The following SRGAP1 variants were observed in gnomAD, a reference collection of about 807,000 sequenced individuals.
SRGAP1 encodes SLIT-ROBO Rho GTPase activating protein 1, also known as SLIT-ROBO Rho GTPase-activating protein 1.
Under a neutral mutation model 121.9 loss-of-function variants are expected in SRGAP1, and 43 were observed. The observed-to-expected ratio is 0.35, with a 90% confidence interval of 0.28 to 0.46. SRGAP1 has a LOEUF of 0.46. SRGAP1 is among the 20% of genes least tolerant of loss of function. SRGAP1 has a pLI of 1.00. For synonymous variants in SRGAP1, 447 were observed against 485.4 expected (o/e 0.92, Z 1.04); for missense variants, 1,102 against 1,350.9 (o/e 0.82, Z 2.89).
chr12:64,080,636 T>C (rs2136564899), intron 10 of SRGAP1: 1 of 514,222 alleles, frequency 1.9e-6, no homozygotes, highest in East Asian at 3.7e-5. Flanking sequence ...ATCTTCAGAG[T>C]GTGGTGCTCC....
chr12:63,922,525 AG>A (rs1243949243), intron 1 of SRGAP1, among the ~76,000 whole-genome samples: 1 of 152,190 alleles, frequency 6.6e-6, no homozygotes, highest in African/African-American at 2.4e-5. Flanking sequence ...AGACAGACAA[AG>A]TCTTAGTTCT....
intron 6 of SRGAP1, among the ~76,000 whole-genome samples, chr12:64,043,804 C>T (rs2035071258): frequency 6.6e-6 from 1 of 152,168 alleles, no homozygotes; most frequent in Non-Finnish European, 1.5e-5. Context: ...TGGTTAGATT[C>T]TGTGAAGCTG....
chr12:64,093,762 T>A (rs909028711), intron 12 of SRGAP1, among the ~76,000 whole-genome samples: 1 of 152,152 alleles, frequency 6.6e-6, no homozygotes, highest in African/African-American at 2.4e-5. Context: ...AAAAACTTAA[T>A]ACAGTCTCCA....
chr12:63,955,268 G>A (rs1223458636), intron 1 of SRGAP1, among the ~76,000 whole-genome samples: 1 of 152,060 alleles, frequency 6.6e-6, no homozygotes, highest in Non-Finnish European at 1.5e-5. Flanking sequence ...GCCGTGAGCC[G>A]GGATCATGTC....
At chr12:63,932,072 AT>A (rs1241907364) in intron 1 of SRGAP1, among the ~76,000 whole-genome samples, 1 of 152,076 alleles carries the variant, frequency 6.6e-6, no homozygotes, top group African/African-American at 2.4e-5. Context: ...TGTTAAGAAA[AT>A]TTCTCCAGCC....
At chr12:63,952,180 C>G (rs534311904) in intron 1 of SRGAP1, among the ~76,000 whole-genome samples, 22 of 152,118 alleles carry the variant, frequency 1.4e-4, no homozygotes, top group African/African-American at 4.3e-4. Flanking sequence ...TTCTGTAGCC[C>G]TAGTGTACCA....
intron 15 of SRGAP1, among the ~76,000 whole-genome samples, chr12:64,103,986 C>T (rs1029899238): frequency 6.6e-6 from 1 of 152,128 alleles, no homozygotes; most frequent in Non-Finnish European, 1.5e-5. Flanking sequence ...TGTGTGTACC[C>T]ACTGTTAAAT....
rs752596875 is a variant in SRGAP1 at position 63,844,892 on chromosome 12, G to A, written c.67+9G>A. Reference sequence around the variant, plus strand: ...TGAAAGTCAAGTCAAAGGTAAGGATGGGAGCGGCTGCCTTGCTCCTTTTGT... The same window carrying A: ...TGAAAGTCAAGTCAAAGGTAAGGATAGGAGCGGCTGCCTTGCTCCTTTTGT... On this transcript the variant is annotated intron_variant, in intron 1 of 21. Coordinates refer to ENST00000355086, the MANE Select transcript of SRGAP1 (RefSeq NM_020762.4). This position sits in a 1 kb window ranked among gnomAD's most constrained non-coding sequence, Gnocchi z 4.3. The A allele has an allele frequency of 2.5e-5, 41 of 1,613,608 alleles. No individual in the cohort carries two copies. The highest frequency in any genetic ancestry group is 6.7e-5 in the Admixed American group (4 of 60,006).
chr12:63,943,101 G>T (rs1331605171), intron 1 of SRGAP1, among the ~76,000 whole-genome samples: 1 of 152,152 alleles, frequency 6.6e-6, no homozygotes, highest in African/African-American at 2.4e-5. Context: ...AGGGAAGTAT[G>T]CCACTGTACC....
At chr12:63,944,283 A>G (rs1380890352) in intron 1 of SRGAP1, among the ~76,000 whole-genome samples, 5 of 152,200 alleles carry the variant, frequency 3.3e-5, no homozygotes, top group South Asian at 2.1e-4. Context: ...ACAAACTACC[A>G]TAGATTGAAG....
intron 18 of SRGAP1, among the ~76,000 whole-genome samples, chr12:64,121,690 C>A (rs565813493): frequency 7.2e-5 from 11 of 152,308 alleles, no homozygotes; most frequent in Admixed American, 6.5e-4. Context: ...TCCCCAGTAG[C>A]CAGAAAAGCC....
At chr12:64,128,634 A>G (rs898939887) in intron 21 of SRGAP1, among the ~76,000 whole-genome samples, 1 of 152,244 alleles carries the variant, frequency 6.6e-6, no homozygotes, top group Non-Finnish European at 1.5e-5. Flanking sequence ...TCTGCAGGGC[A>G]TATGTTTCAA....
intron 1 of SRGAP1, among the ~76,000 whole-genome samples, chr12:63,960,220 G>A (rs1009153357): frequency 6.6e-6 from 1 of 152,156 alleles, no homozygotes; most frequent in Non-Finnish European, 1.5e-5. Context: ...CTGGAATTCC[G>A]AGAGATGAAT....
At chr12:63,884,292 G>A (rs73126651) in intron 1 of SRGAP1, among the ~76,000 whole-genome samples, 21,907 of 151,956 alleles carry the variant, frequency 0.14, 1,680 homozygotes, top group Middle Eastern at 0.21. Context: ...CTCAAAAAAA[G>A]GAAGTATGGA....
intron 8 of SRGAP1, among the ~76,000 whole-genome samples, chr12:64,069,929 G>T (rs1240785554): frequency 1.3e-5 from 2 of 151,454 alleles, no homozygotes; most frequent in African/African-American, 4.9e-5. Context: ...TGTAGAGACA[G>T]GGTCTCCCTG....
At chr12:64,043,795 G>T (rs2035070841) in intron 6 of SRGAP1, among the ~76,000 whole-genome samples, 1 of 152,140 alleles carries the variant, frequency 6.6e-6, no homozygotes, top group South Asian at 2.1e-4. Context: ...AAAAATAACT[G>T]GTTAGATTCT....
At chr12:64,131,902 C>T (rs559256583) in intron 21 of SRGAP1, among the ~76,000 whole-genome samples, 3 of 152,172 alleles carry the variant, frequency 2.0e-5, no homozygotes, top group Non-Finnish European at 2.9e-5. Flanking sequence ...GTTGGCCAGG[C>T]GCAGTGGCTC....
chr12:64,072,684 C>T (rs1246661816), intron 8 of SRGAP1, among the ~76,000 whole-genome samples: 6 of 152,152 alleles, frequency 3.9e-5, no homozygotes, highest in Non-Finnish European at 5.9e-5. Context: ...ACCAACACCT[C>T]GATCTCAGAC....
intron 1 of SRGAP1, among the ~76,000 whole-genome samples, chr12:63,908,404 G>C (rs2030321939): frequency 6.6e-6 from 1 of 152,122 alleles, no homozygotes; most frequent in Non-Finnish European, 1.5e-5. Flanking sequence ...TTTTGTAGTT[G>C]TTAGTGTGTA....
Sources: allele counts gnomAD v4.1 joint callset (sites outside exome capture counted in the v4.1 genomes callset), GRCh38; gene constraint gnomAD v4.1.1; non-coding constraint Gnocchi (gnomAD v3.1); transcripts MANE v1.5; gene names NCBI Gene and HGNC (gene_info 2026-07-23, HGNC 2026-07-21).